BTNL2: variants seen among roughly 807,000 people sequenced by gnomAD.
The protein encoded by BTNL2 is butyrophilin-like protein 2.
In BTNL2, 46 loss-of-function variants were observed where a neutral mutation model predicts 46.8. The observed-to-expected ratio is 0.98, with a 90% CI of 0.78 to 1.26. The LOEUF (loss-of-function observed/expected upper bound fraction) is 1.26. Among genes scored for constraint, BTNL2 ranks in the 50% most tolerant of loss-of-function variants. The probability of loss-of-function intolerance (pLI) is 0.00; values close to 1 mark genes in which losing one functional copy is unlikely to be tolerated. For synonymous variants in BTNL2, 226 were observed against 229.1 expected, an observed-to-expected ratio of 0.99 and a Z score of 0.12; for missense variants, 461 against 592.6, an observed-to-expected ratio of 0.78 and a Z score of 2.31.
Position 32,401,794 on chromosome 6 carries a change from T to C in BTNL2, c.721A>G (p.Thr241Ala), listed in dbSNP as rs1417277780. ...SVISLPEKLQ[T>A]ELASLKVNGP... ...AGCACCTCGTACTTACCCAGCTCAG[T>C]CTGGAGTTTCTCTGGAAAAAGAACA... The change falls in exon 4 of 8, where the codon ACT (threonine) becomes GCT (alanine). Residue 241 changes from threonine (T) to alanine (A), a missense_variant. Thr to Ala is a moderately conservative substitution (Grantham distance 58, BLOSUM62 0). Coordinates refer to ENST00000454136, the MANE Select transcript of BTNL2 (RefSeq NM_001304561.2). 3 of 1,611,932 alleles carry C rather than the reference T, an allele frequency of 1.9e-6. No homozygotes were observed. The African/African-American group carries it at 4.0e-5, about 22-fold the overall frequency.
chr6:32,396,081 C>G lies in BTNL2; in HGVS notation c.1036G>C (p.Asp346His). 6.2e-7 allele frequency: 1 copy of G among 1,613,046 alleles called. No individual in the cohort carries two copies. The highest frequency in any genetic ancestry group is 8.5e-7 in the Non-Finnish European group (1 of 1,180,022). ...AAACTGGCCTCCTGGTAGACATCAT[C>G]TTTTTCAAAAAGGCAGCGGTACTGC... ...DGQYRCLFEKDDVYQEASLDL... is the reference protein window; with the variant it reads ...DGQYRCLFEKHDVYQEASLDL... The change falls in exon 5 of 8, where the codon GAT becomes CAT. Residue 346 changes from aspartate to histidine, a missense_variant. By Grantham distance (81) the Asp-to-His change is moderately conservative. Coordinates refer to ENST00000454136, the MANE Select transcript of BTNL2 (RefSeq NM_001304561.2). The surrounding 1 kb of genome is among the most constrained non-coding windows in gnomAD (Gnocchi z 4.4).
intron 2 of BTNL2, chr6:32,403,796 A>G (rs1776943356): frequency 6.5e-6 from 1 of 153,242 alleles, no homozygotes. Flanking sequence ...TCAATGGGTA[A>G]GATGGTTTTG....
At position 32,393,849 on chromosome 6, in the gene BTNL2, C is replaced by T; in HGVS notation, c.*6+114G>A. On this transcript the variant is annotated intron_variant, in intron 7 of 7. Transcript: ENST00000454136. This position sits in a 1 kb window ranked among gnomAD's most constrained non-coding sequence, Gnocchi z 4.8. ...CCTGTTTCTCATGTTTCCTTAGTTA[C>T]TGGATATTCACTGACTGCCTCCCAT... The T allele has an allele frequency of 2.2e-6, 3 of 1,381,874 alleles. No individual in the cohort carries two copies. The highest frequency in any genetic ancestry group is 2.9e-6 in the Non-Finnish European group (3 of 1,042,378). 85.6% of individuals were successfully genotyped at this position (1,381,874 alleles called of 1,614,324 possible).
chr6:32,398,295 T>A (rs1301941920), intron 4 of BTNL2, among the ~76,000 whole-genome samples: 1 of 152,244 alleles, frequency 6.6e-6, no homozygotes, highest in East Asian at 1.9e-4. Flanking sequence ...GCCAAAGGCG[T>A]TAACATCCCA....
Position 32,393,911 on chromosome 6 carries a change from C to G in BTNL2, c.*6+52G>C, listed in dbSNP as rs868566081. ...GAAAAGGGAGGCTCGGGGAAGTACG[C>G]AGTACGGTTCCCACTGCAGTGTGCT... is the stretch of plus-strand genomic sequence containing the variant. On this transcript the variant is annotated intron_variant, in intron 7 of 7. Transcript: ENST00000454136. The surrounding 1 kb of genome is among the most constrained non-coding windows in gnomAD (Gnocchi z 4.8). 263 of 1,541,580 alleles carry G rather than the reference C, an allele frequency of 1.7e-4. 2 individuals are homozygous for G. The Middle Eastern group carries it at 5.7e-3, about 34-fold the overall frequency.
In BTNL2 at chr6:32,393,788, C is replaced by A; in HGVS notation, c.*6+175G>T. The A allele has an allele frequency of 1.3e-6, 1 of 791,290 alleles. No individual in the cohort carries two copies. The highest frequency in any genetic ancestry group is 1.9e-6 in the Non-Finnish European group (1 of 534,020). 49.0% of individuals were successfully genotyped at this position (791,290 alleles called of 1,614,324 possible). On this transcript the variant is annotated intron_variant, in intron 7 of 7. Transcript: ENST00000454136. The surrounding 1 kb of genome is among the most constrained non-coding windows in gnomAD (Gnocchi z 4.8). ...AAGTGGAAACACTGACCTCATGCAT[C>A]ACTGAGCCTGGATTGCATGATAAGC...
In BTNL2 at chr6:32,394,978, C is replaced by T. The variant is rs1322551068; in HGVS notation, c.1126G>A (p.Glu376Lys). 6.2e-7 allele frequency: 1 copy of T among 1,612,346 alleles called. No homozygotes were observed. The highest frequency in any genetic ancestry group is 8.5e-7 in the Non-Finnish European group (1 of 1,178,894). ...LITVEGQEDG[E>K]MQPMCSSDGW... ...TCTGAAGAGCACATCGGCTGCATTT[C>T]TCCATCTTCTTGCCCCTCCACAGTG... The change falls in exon 6 of 8, where the codon GAA (glutamate) becomes AAA (lysine). Residue 376 changes from glutamate to lysine, a missense_variant. Coordinates refer to ENST00000454136, the MANE Select transcript of BTNL2 (RefSeq NM_001304561.2). This position sits in a 1 kb window ranked among gnomAD's most constrained non-coding sequence, Gnocchi z 4.6.
intron 1 of BTNL2, 104 bp downstream of exon 1, chr6:32,406,941 G>T (rs547976703): frequency 9.8e-7 from 1 of 1,022,686 alleles, no homozygotes; most frequent in Non-Finnish European, 1.5e-6. Flanking sequence ...GATACAGGTG[G>T]CTTGGCCCCA....
At chr6:32,401,207 C>A (rs1284710644) in intron 4 of BTNL2, among the ~76,000 whole-genome samples, 1 of 38,918 alleles carries the variant, frequency 2.6e-5, no homozygotes, top group African/African-American at 1.5e-4. Flanking sequence ...GACTCCGTCT[C>A]AAAAAAAAAA....
In BTNL2 at chr6:32,395,169, G is replaced by A. The variant is rs1194806882; in HGVS notation, c.1079-144C>T. 5 of 676,538 alleles carry A rather than the reference G, an allele frequency of 7.4e-6. No individual in the cohort carries two copies. The Admixed American group carries it at 1.7e-4, about 23-fold the overall frequency. 41.9% of individuals were successfully genotyped at this position (676,538 alleles called of 1,614,324 possible). ...GGGATTGCACTCCACTTAGGGATGAGGCTGGCTGGAGCATTTTCTTATTTT... is the reference window on the plus strand; with the variant it reads ...GGGATTGCACTCCACTTAGGGATGAAGCTGGCTGGAGCATTTTCTTATTTT... On this transcript the variant is annotated intron_variant, in intron 5 of 7. Coordinates refer to ENST00000454136, the MANE Select transcript of BTNL2 (RefSeq NM_001304561.2).
At chr6:32,406,818 A>T in intron 1 of BTNL2, 1 of 395,552 alleles carries the variant, frequency 2.5e-6, no homozygotes, top group Non-Finnish European at 4.6e-6. Flanking sequence ...CATTAAAAAG[A>T]TGAAAGAACT....
intron 4 of BTNL2, among the ~76,000 whole-genome samples, chr6:32,397,823 G>T (rs1360022187): frequency 3.3e-5 from 5 of 152,170 alleles, no homozygotes; most frequent in Admixed American, 6.5e-5. Context: ...TGGACTTTTG[G>T]TAATGATATT....
At chr6:32,400,745 T>TAAAAATAAAAAA (rs9281774) in intron 4 of BTNL2, among the ~76,000 whole-genome samples, 2 of 82,158 alleles carry the variant, frequency 2.4e-5, no homozygotes, top group Admixed American at 1.3e-4. Flanking sequence ...CCGTCTCTAC[T>TAAAAATAAAAAA]AAAAAAAAAA....
chr6:32,395,390 C>T (rs538993829), intron 5 of BTNL2, among the ~76,000 whole-genome samples: 7 of 152,256 alleles, frequency 4.6e-5, no homozygotes, highest in African/African-American at 1.2e-4. Context: ...TAAATATCTA[C>T]GTCCAATGGC....
chr6:32,395,110 G>GT, intron 5 of BTNL2, 85 bp from the exon 6 acceptor site: 1 of 1,405,008 alleles, frequency 7.1e-7, no homozygotes, highest in South Asian at 1.4e-5. Flanking sequence ...AGAAGGGGAT[G>GT]TGGAGGGCTT....
At chr6:32,400,687 A>T (rs544453376) in intron 4 of BTNL2, among the ~76,000 whole-genome samples, 14 of 149,192 alleles carry the variant, frequency 9.4e-5, no homozygotes, top group Non-Finnish European at 1.6e-4. Context: ...AGGCCGGCGG[A>T]TCATGAGGTC....
chr6:32,398,412 C>A (rs1395523513), intron 4 of BTNL2, among the ~76,000 whole-genome samples: 4 of 152,184 alleles, frequency 2.6e-5, no homozygotes, highest in Non-Finnish European at 5.9e-5. Context: ...TAACAGTTGA[C>A]TCCCAGTTAT....
chr6:32,400,760 A>AAAAAAAAAAACAAC (rs1390075841), intron 4 of BTNL2, among the ~76,000 whole-genome samples: 1 of 115,838 alleles, frequency 8.6e-6, no homozygotes, highest in African/African-American at 3.1e-5. Context: ...AAAAAAAAAA[A>AAAAAAAAAAACAAC]AAATTAGCTG....
Position 32,401,207 on chromosome 6 carries a change from C to CAAAAAAAAAAAAAAAAAAA in BTNL2, c.730+559_730+577dup, listed in dbSNP as rs9279632. Among the ~76,000 whole-genome samples the CAAAAAAAAAAAAAAAAAAA allele has an allele frequency of 5.7e-4, 22 of 38,914 alleles. 2 individuals carry two copies. The highest frequency in any genetic ancestry group is 9.7e-4 in the Admixed American group (2 of 2,068). 25.5% of individuals were successfully genotyped at this position (38,914 alleles called of 152,430 possible). A position where few individuals can be genotyped will look rare whatever the true frequency, so the allele number is the denominator to read the frequency against. The stretch of plus-strand genomic sequence containing the variant: ...TGGGCGACAGAGCAAGACTCCGTCT[C>CAAAAAAAAAAAAAAAAAAA]AAAAAAAAAAAAAAAAAAAAAAAAA... On this transcript the variant is annotated intron_variant, in intron 4 of 7. Coordinates refer to ENST00000454136, the MANE Select transcript of BTNL2 (RefSeq NM_001304561.2).
Sources: allele counts gnomAD v4.1 joint callset (sites outside exome capture counted in the v4.1 genomes callset), GRCh38; gene constraint gnomAD v4.1.1; non-coding constraint Gnocchi (gnomAD v3.1); transcripts MANE v1.5; gene names NCBI Gene and HGNC (gene_info 2026-07-23, HGNC 2026-07-21).